Variants in DIAPH3 observed in about 807,000 individuals in gnomAD.
DIAPH3 encodes the protein diaphanous related formin 3.
In DIAPH3, 117 loss-of-function variants were observed where a neutral mutation model predicts 144.3. That is an observed-to-expected ratio of 0.81 (90% CI 0.70 to 0.95). DIAPH3 has a LOEUF of 0.95. DIAPH3 is among the 40% of genes least tolerant of loss of function. The pLI is 0.00. For synonymous variants in DIAPH3, 519 were observed against 488.9 expected, an observed-to-expected ratio of 1.06 and a Z score of -0.81; for missense variants, 1,421 against 1,412.7, an observed-to-expected ratio of 1.01 and a Z score of -0.09.
intron 27 of DIAPH3, among the ~76,000 whole-genome samples, chr13:59,699,913 A>C (rs1366640016): frequency 3.3e-5 from 5 of 152,190 alleles, no homozygotes; most frequent in Admixed American, 3.3e-4. Context: ...TCCCTGAGGG[A>C]GAGAGCTTGA....
intron 1 of DIAPH3, among the ~76,000 whole-genome samples, chr13:60,156,939 A>ATATATATATATATTTTTTTTT (rs1337230427): frequency 2.4e-5 from 2 of 82,044 alleles, no homozygotes; most frequent in African/African-American, 1.1e-4. Context: ...ATATATATAT[A>ATATATATATATATTTTTTTTT]TTTTTTTTTT....
chr13:60,048,942 T>A (rs1320198959), intron 4 of DIAPH3, among the ~76,000 whole-genome samples: 1 of 152,162 alleles, frequency 6.6e-6, no homozygotes, highest in Admixed American at 6.5e-5. Context: ...CAATTGCAGT[T>A]AAGTGTTAAG....
intron 20 of DIAPH3, among the ~76,000 whole-genome samples, chr13:59,886,643 A>G (rs900451569): frequency 3.3e-5 from 5 of 152,076 alleles, no homozygotes; most frequent in African/African-American, 4.8e-5. Flanking sequence ...TCTCAGCAAT[A>G]TCTTACAGTT....
intron 3 of DIAPH3, among the ~76,000 whole-genome samples, chr13:60,098,108 T>G (rs1360419725): frequency 6.6e-6 from 1 of 152,208 alleles, no homozygotes; most frequent in African/African-American, 2.4e-5. Flanking sequence ...TTATCATTTT[T>G]TATGTTTCTT....
intron 17 of DIAPH3, among the ~76,000 whole-genome samples, chr13:59,936,650 T>C (rs540035729): frequency 2.0e-5 from 3 of 152,208 alleles, no homozygotes; most frequent in African/African-American, 7.2e-5. Flanking sequence ...GTAAAAGATA[T>C]CAGGAAAGAG....
intron 21 of DIAPH3, among the ~76,000 whole-genome samples, chr13:59,876,070 G>A (rs1238483410): frequency 2.0e-5 from 3 of 152,102 alleles, no homozygotes; most frequent in Non-Finnish European, 4.4e-5. Flanking sequence ...AATGTTAAAT[G>A]TCATATAATT....
intron 12 of DIAPH3, among the ~76,000 whole-genome samples, chr13:59,986,832 T>A (rs879266435): frequency 6.7e-6 from 1 of 149,774 alleles, no homozygotes; most frequent in Admixed American, 6.7e-5. Flanking sequence ...ACAACAGGTG[T>A]TGGAGAGGAT....
At chr13:59,796,567 T>C (rs1425019596) in intron 25 of DIAPH3, among the ~76,000 whole-genome samples, 3 of 152,216 alleles carry the variant, frequency 2.0e-5, no homozygotes, top group African/African-American at 7.2e-5. Context: ...AACTATGAGA[T>C]TCATAAATGA....
intron 27 of DIAPH3, among the ~76,000 whole-genome samples, chr13:59,723,281 G>T (rs2035434147): frequency 6.6e-6 from 1 of 152,154 alleles, no homozygotes; most frequent in Non-Finnish European, 1.5e-5. Flanking sequence ...GCTTCTTAGA[G>T]TCAGTGAGAC....
At chr13:59,876,490 A>G (rs1323831529) in intron 21 of DIAPH3, among the ~76,000 whole-genome samples, 2 of 152,206 alleles carry the variant, frequency 1.3e-5, no homozygotes, top group East Asian at 3.9e-4. Context: ...AGATTTAAAA[A>G]TTACTATGCA....
intron 20 of DIAPH3, 104 bp from the exon 21 acceptor site, chr13:59,879,572 A>G (rs773643421): frequency 1.2e-5 from 18 of 1,494,846 alleles, no homozygotes; most frequent in Non-Finnish European, 1.6e-5. Context: ...GACAGTACCA[A>G]AGAAGAAATA....
At chr13:59,779,365 C>T (rs1041987127) in intron 25 of DIAPH3, among the ~76,000 whole-genome samples, 2 of 152,050 alleles carry the variant, frequency 1.3e-5, no homozygotes, top group African/African-American at 4.8e-5. Context: ...AATGAAAGCA[C>T]TTGATAAATT....
At chr13:59,714,257 G>A (rs1018021548) in intron 27 of DIAPH3, among the ~76,000 whole-genome samples, 6 of 150,414 alleles carry the variant, frequency 4.0e-5, no homozygotes, top group South Asian at 2.1e-4. Flanking sequence ...CTACTTGGGA[G>A]GCTGAGGCAG....
Position 59,979,867 on chromosome 13 carries a change from A to G in DIAPH3, c.1545+928T>C, listed in dbSNP as rs1031693051. On this transcript the variant is annotated intron_variant, in intron 14 of 27. Transcript: ENST00000400324. ...AGTAAGAATTATCGTCACTCCTTCA[A>G]TGTGAAAAACCACCTGAATAATTCA... Among the ~76,000 whole-genome samples the G allele has an allele frequency of 2.0e-5, 3 of 151,672 alleles. No individual in the cohort carries two copies. The East Asian group carries it at 5.8e-4, about 29-fold the overall frequency.
At chr13:60,116,011 C>T (rs2058694197) in intron 2 of DIAPH3, among the ~76,000 whole-genome samples, 1 of 152,018 alleles carries the variant, frequency 6.6e-6, no homozygotes, top group African/African-American at 2.4e-5. Flanking sequence ...AATCTGTCTC[C>T]AGCAGACCTG....
chr13:60,005,461 C>CA (rs2052800314), intron 9 of DIAPH3, among the ~76,000 whole-genome samples: 1 of 152,146 alleles, frequency 6.6e-6, no homozygotes, highest in Non-Finnish European at 1.5e-5. Context: ...TGTTAATATA[C>CA]AAAAAATATT....
At chr13:59,856,195 C>G (rs1449693682) in intron 22 of DIAPH3, among the ~76,000 whole-genome samples, 1 of 152,128 alleles carries the variant, frequency 6.6e-6, no homozygotes, top group Non-Finnish European at 1.5e-5. Flanking sequence ...AAATTGATTA[C>G]TAGTGCACAT....
chr13:59,736,177 T>C (rs1301417659), intron 27 of DIAPH3, among the ~76,000 whole-genome samples: 1 of 152,214 alleles, frequency 6.6e-6, no homozygotes, highest in African/African-American at 2.4e-5. Flanking sequence ...ACATTTTGTT[T>C]ATCCAATCTA....
chr13:59,947,747 A>G (rs1005927789), intron 17 of DIAPH3, among the ~76,000 whole-genome samples: 1 of 151,526 alleles, frequency 6.6e-6, no homozygotes. Context: ...AAAAAAAAAC[A>G]AACAAACCAC....
Sources: gnomAD v4.1 joint callset for allele counts (sites outside exome capture counted in the v4.1 genomes callset) on GRCh38, gnomAD v4.1.1 for gene constraint, MANE v1.5 for transcripts, NCBI Gene and HGNC (gene_info 2026-07-23, HGNC 2026-07-21) for gene names.